Variants in MCTP2 observed in about 807,000 individuals in gnomAD.
MCTP2 encodes the protein multiple C2 and transmembrane domain-containing protein 2.
In MCTP2, 132 loss-of-function variants were observed where a neutral mutation model predicts 111.6. The ratio of observed to expected loss-of-function variants is 1.18; its 90% CI spans 1.03 to 1.37. The LOEUF (loss-of-function observed/expected upper bound fraction) is 1.37, where lower values mean the gene tolerates loss of function less well. MCTP2 is among the 40% of genes most tolerant of loss of function. MCTP2 has a pLI of 0.00. For missense variants in MCTP2, 1,183 were observed against 1,067.9 expected (o/e 1.11, Z -1.50); for synonymous variants, 395 against 387.7 (o/e 1.02, Z -0.22).
intron 1 of MCTP2, among the ~76,000 whole-genome samples, chr15:94,244,984 G>C (rs2071680590): frequency 7.5e-6 from 1 of 132,916 alleles, no homozygotes; most frequent in Non-Finnish European, 1.6e-5. Context: ...ACATACATAT[G>C]CACCTGTTTA....
At chr15:94,447,226 A>G (rs968976191) in intron 19 of MCTP2, among the ~76,000 whole-genome samples, 1 of 152,158 alleles carries the variant, frequency 6.6e-6, no homozygotes, top group Non-Finnish European at 1.5e-5. Context: ...TGATGTGGTT[A>G]AGTCCACTGT....
At chr15:94,469,657 C>G (rs2073740359) in intron 20 of MCTP2, among the ~76,000 whole-genome samples, 1 of 152,096 alleles carries the variant, frequency 6.6e-6, no homozygotes, top group African/African-American at 2.4e-5. Flanking sequence ...TGCTTGACCC[C>G]AGGAGTTCGA....
At chr15:94,244,290 A>G (rs139416316) in intron 1 of MCTP2, among the ~76,000 whole-genome samples, 7 of 148,622 alleles carry the variant, frequency 4.7e-5, no homozygotes, top group East Asian at 2.0e-4. Flanking sequence ...ATACACATAC[A>G]TATGTGTATA....
chr15:94,403,708 G>C (rs1243406910), intron 17 of MCTP2, among the ~76,000 whole-genome samples: 2 of 152,120 alleles, frequency 1.3e-5, no homozygotes, highest in Non-Finnish European at 2.9e-5. Flanking sequence ...ACTTCTCCAC[G>C]GCCTTTTCTC....
intron 12 of MCTP2, among the ~76,000 whole-genome samples, chr15:94,378,266 A>G (rs2079890895): frequency 6.6e-6 from 1 of 152,066 alleles, no homozygotes; most frequent in Non-Finnish European, 1.5e-5. Context: ...TCGCACCCAT[A>G]ATTTCAACAC....
At chr15:94,366,195 G>GA (rs2079175567) in intron 10 of MCTP2, among the ~76,000 whole-genome samples, 1 of 152,076 alleles carries the variant, frequency 6.6e-6, no homozygotes. Flanking sequence ...TATTGATACA[G>GA]AAAAATTGTT....
intron 14 of MCTP2, among the ~76,000 whole-genome samples, chr15:94,389,659 G>A (rs192452254): frequency 1.3e-5 from 2 of 152,066 alleles, no homozygotes; most frequent in East Asian, 1.9e-4. Context: ...ATTTGTTGGT[G>A]TTTCTCTCTG....
chr15:94,481,750 C>G lies in MCTP2; in HGVS notation c.*2716C>G, dbSNP rs2074738257. The G allele has an allele frequency of 6.6e-6, 1 of 152,228 alleles. No individual in the cohort carries two copies. Among genetic ancestry groups the G allele is most frequent in the Non-Finnish European group, 1.5e-5 (1 of 68,056 alleles). 9.4% of individuals were successfully genotyped at this position (152,228 alleles called of 1,614,324 possible). On this transcript the variant is annotated 3_prime_UTR_variant, in exon 23 of 23. Transcript: ENST00000357742. ...CATAAGAGGCTTTGACCACTGTCCT[C>G]CACTGAATAGCCCATTACAGCTAGC...
chr15:94,239,819 G>A (rs1280491908), intron 1 of MCTP2, among the ~76,000 whole-genome samples: 1 of 152,166 alleles, frequency 6.6e-6, no homozygotes, highest in Non-Finnish European at 1.5e-5. Context: ...GAAAGTATCT[G>A]ATGAATTGTT....
intron 21 of MCTP2, among the ~76,000 whole-genome samples, chr15:94,474,433 A>C (rs1335742372): frequency 6.6e-6 from 1 of 152,192 alleles, no homozygotes; most frequent in Non-Finnish European, 1.5e-5. Flanking sequence ...TTATTATTCA[A>C]ATATTAATGT....
At chr15:94,461,872 G>A (rs1487507410) in intron 20 of MCTP2, among the ~76,000 whole-genome samples, 2 of 152,120 alleles carry the variant, frequency 1.3e-5, no homozygotes, top group Non-Finnish European at 2.9e-5. Flanking sequence ...GGGACATGGG[G>A]AATGAGAGAC....
chr15:94,248,449 C>T (rs1028278031), intron 1 of MCTP2, among the ~76,000 whole-genome samples: 2 of 152,182 alleles, frequency 1.3e-5, no homozygotes, highest in Admixed American at 1.3e-4. Flanking sequence ...CTGAACTTTG[C>T]TCCCAATGAG....
chr15:94,407,775 GCACACACACACA>G (rs57851445), intron 17 of MCTP2, among the ~76,000 whole-genome samples: 3,072 of 147,766 alleles, frequency 0.021, 117 homozygotes, highest in African/African-American at 0.071. Flanking sequence ...ATGTACTTGT[GCACACACACACA>G]CACACACACA....
At chr15:94,387,129 C>A (rs536363576) in intron 14 of MCTP2, among the ~76,000 whole-genome samples, 1 of 151,812 alleles carries the variant, frequency 6.6e-6, no homozygotes, top group Non-Finnish European at 1.5e-5. Context: ...CCTCCTTCCT[C>A]CTTCCTCCTT....
At chr15:94,472,408 A>G (rs1439611101) in intron 21 of MCTP2, among the ~76,000 whole-genome samples, 2 of 152,140 alleles carry the variant, frequency 1.3e-5, no homozygotes, top group Admixed American at 1.3e-4. Context: ...AACGAAAAAG[A>G]CAAATACTCT....
chr15:94,309,555 G>T (rs371697315), intron 2 of MCTP2, among the ~76,000 whole-genome samples: 2 of 152,156 alleles, frequency 1.3e-5, no homozygotes, highest in African/African-American at 4.8e-5. Context: ...AGCCACATGG[G>T]AGATGGTATT....
At chr15:94,379,865 A>G (rs886783429) in intron 12 of MCTP2, among the ~76,000 whole-genome samples, 2 of 144,948 alleles carry the variant, frequency 1.4e-5, no homozygotes, top group African/African-American at 5.0e-5. Flanking sequence ...ATAATATATG[A>G]CATATAATCT....
chr15:94,473,691 G>A (rs958850916), intron 21 of MCTP2, among the ~76,000 whole-genome samples: 1 of 152,126 alleles, frequency 6.6e-6, no homozygotes, highest in Non-Finnish European at 1.5e-5. Context: ...TTTGCAAGAA[G>A]GACCTATGCC....
chr15:94,243,487 A>C (rs1469747715), intron 1 of MCTP2, among the ~76,000 whole-genome samples: 1 of 146,430 alleles, frequency 6.8e-6, no homozygotes, highest in African/African-American at 2.6e-5. Flanking sequence ...GTACACACAT[A>C]CGTATGCGTA....
Sources: gnomAD v4.1 joint callset for allele counts (sites outside exome capture counted in the v4.1 genomes callset) on GRCh38, gnomAD v4.1.1 for gene constraint, MANE v1.5 for transcripts, NCBI Gene and HGNC (gene_info 2026-07-23, HGNC 2026-07-21) for gene names.